The following BANP variants were observed in gnomAD, a reference collection of about 807,000 sequenced individuals.
The protein encoded by BANP is protein BANP.
In BANP, 11 loss-of-function variants were observed where a neutral mutation model predicts 68.1. The ratio of observed to expected loss-of-function variants is 0.16; its 90% CI spans 0.10 to 0.27. The LOEUF (loss-of-function observed/expected upper bound fraction) is 0.27, where lower values mean the gene tolerates loss of function less well. Ranked by LOEUF, BANP falls within the 10% of genes least tolerant of loss-of-function variation. The pLI, the probability that BANP is intolerant of heterozygous loss-of-function variation, is 1.00. For synonymous variants in BANP, 329 were observed against 303.2 expected, an observed-to-expected ratio of 1.09 and a Z score of -0.88; for missense variants, 504 against 722.7, an observed-to-expected ratio of 0.70 and a Z score of 3.47.
At chr16:87,995,137 A>G (rs952741891) in intron 4 of BANP, among the ~76,000 whole-genome samples, 55 of 152,358 alleles carry the variant, frequency 3.6e-4, no homozygotes, top group African/African-American at 1.2e-3. Flanking sequence ...GTTAGAGTCC[A>G]TCAATGGAGT....
intron 8 of BANP, among the ~76,000 whole-genome samples, chr16:88,031,624 G>A (rs1007950275): frequency 1.3e-5 from 2 of 150,666 alleles, no homozygotes; most frequent in Admixed American, 1.3e-4. Flanking sequence ...ACTCCAGCCT[G>A]GGTGACAGAG....
intron 7 of BANP, among the ~76,000 whole-genome samples, chr16:88,026,440 C>G (rs1231461833): frequency 2.0e-5 from 3 of 152,248 alleles, no homozygotes; most frequent in Non-Finnish European, 4.4e-5. Context: ...GGAGCAGCCA[C>G]TGTGCGCCAG....
chr16:88,047,264 G>T (rs2082245886), intron 11 of BANP, among the ~76,000 whole-genome samples: 2 of 152,048 alleles, frequency 1.3e-5, no homozygotes, highest in African/African-American at 4.8e-5. Flanking sequence ...AGGGCCCAAA[G>T]TAAGATACCA....
At chr16:87,982,412 G>T (rs985987557) in intron 3 of BANP, among the ~76,000 whole-genome samples, 3 of 152,244 alleles carry the variant, frequency 2.0e-5, no homozygotes, top group African/African-American at 7.2e-5. Context: ...GGTGTACTGT[G>T]TAAAGAATTT....
chr16:87,951,929 C>T (rs996727054), intron 1 of BANP, among the ~76,000 whole-genome samples: 29 of 152,306 alleles, frequency 1.9e-4, no homozygotes, highest in African/African-American at 6.5e-4. Flanking sequence ...GGGGGTCGCT[C>T]CTGCCAGCCA....
intron 11 of BANP, among the ~76,000 whole-genome samples, chr16:88,056,802 G>C (rs763948022): frequency 6.6e-6 from 1 of 152,168 alleles, no homozygotes; most frequent in Non-Finnish European, 1.5e-5. Context: ...ACCCAGTGTA[G>C]TATACTTAGC....
intron 6 of BANP, among the ~76,000 whole-genome samples, chr16:88,010,602 G>A (rs1016169275): frequency 6.6e-6 from 1 of 152,218 alleles, no homozygotes; most frequent in Non-Finnish European, 1.5e-5. Context: ...ATGGAAATAA[G>A]AACATGTAGC....
intron 4 of BANP, among the ~76,000 whole-genome samples, chr16:87,991,663 G>C (rs2065923392): frequency 6.6e-6 from 1 of 152,122 alleles, no homozygotes; most frequent in South Asian, 2.1e-4. Context: ...TATCATAAAT[G>C]GTATTGTATT....
intron 11 of BANP, among the ~76,000 whole-genome samples, chr16:88,047,891 C>G (rs983720337): frequency 2.0e-5 from 3 of 152,234 alleles, no homozygotes; most frequent in South Asian, 2.1e-4. Flanking sequence ...TGTCCTGTCA[C>G]TTAAACATTT....
intron 11 of BANP, among the ~76,000 whole-genome samples, chr16:88,055,371 GA>G (rs2084750121): frequency 6.6e-6 from 1 of 152,152 alleles, no homozygotes; most frequent in African/African-American, 2.4e-5. Flanking sequence ...AGCAGTGACG[GA>G]TCCAGGGCGT....
At chr16:88,027,714 C>A (rs1197681465) in intron 8 of BANP, 64 bp downstream of exon 8, 8 of 1,585,196 alleles carry the variant, frequency 5.0e-6, no homozygotes, top group Non-Finnish European at 6.9e-6. Context: ...TGGTGGCACC[C>A]TCAGGGGCAG....
intron 11 of BANP, among the ~76,000 whole-genome samples, chr16:88,042,697 C>T (rs1032539431): frequency 6.6e-6 from 1 of 152,118 alleles, no homozygotes; most frequent in Non-Finnish European, 1.5e-5. Context: ...GTGGGAGGAT[C>T]GCTTGAGCCC....
intron 11 of BANP, among the ~76,000 whole-genome samples, chr16:88,050,668 G>C (rs12929276): frequency 0.48 from 73,209 of 151,904 alleles, 20,434 homozygotes; most frequent in Non-Finnish European, 0.65. Context: ...AGTGTGAGGG[G>C]TGTGTATTGG....
At chr16:88,046,626 A>G (rs1462504849) in intron 11 of BANP, among the ~76,000 whole-genome samples, 1 of 151,308 alleles carries the variant, frequency 6.6e-6, no homozygotes, top group African/African-American at 2.4e-5. Flanking sequence ...GCTCACTGCA[A>G]CCTCCGTCTC....
chr16:87,957,916 G>A lies in BANP; in HGVS notation c.-69+6401G>A, dbSNP rs909328631. On this transcript the variant is annotated intron_variant, in intron 1 of 13. Transcript: ENST00000682872. The surrounding 1 kb of genome is among the most constrained non-coding windows in gnomAD (Gnocchi z 4.3). ...GTGTCCTCAAGTGAGCTCAGCTCTT[G>A]TGTCGGTGGGAGCTGGCGGTGGGTC... Among the ~76,000 whole-genome samples, 2 of 152,170 alleles carry A rather than the reference G, an allele frequency of 1.3e-5. No homozygotes were observed. The highest frequency in any genetic ancestry group is 2.9e-5 in the Non-Finnish European group (2 of 68,034).
rs560857853 is a variant in BANP at position 87,987,139 on chromosome 16, C to T, written c.362+2880C>T. On this transcript the variant is annotated intron_variant, in intron 4 of 13. Transcript: ENST00000682872. ...GGCCACCCAGGCTGGAGTGCAGTGG[C>T]GCGATCTTGGCTCACTGCAACCTCT... Among the ~76,000 whole-genome samples the T allele has an allele frequency of 4.1e-4, 62 of 152,158 alleles. No homozygotes were observed. The East Asian group carries it at 0.01, about 25-fold the overall frequency.
intron 11 of BANP, among the ~76,000 whole-genome samples, chr16:88,058,177 A>G (rs970198171): frequency 6.6e-6 from 1 of 152,166 alleles, no homozygotes; most frequent in Non-Finnish European, 1.5e-5. Context: ...AGCTGGTGCT[A>G]AAGTGTGTTG....
At chr16:88,062,432 C>T (rs1446348221) in intron 11 of BANP, among the ~76,000 whole-genome samples, 2 of 152,206 alleles carry the variant, frequency 1.3e-5, no homozygotes, top group South Asian at 2.1e-4. Flanking sequence ...TTCCCTCAGT[C>T]GGCTGCTCCC....
rs762891001 is a variant in BANP at position 88,072,136 on chromosome 16, C to T, written c.1445C>T (p.Ser482Leu). The change falls in exon 13 of 14, where the codon TCG becomes TTG. Residue 482 changes from serine (S) to leucine (L), a missense_variant. This residue lies in a region of BANP where 223 missense variants were observed against 246.2 expected (regional missense o/e 0.91). Coordinates refer to ENST00000682872, the MANE Select transcript of BANP (RefSeq NM_001386991.1). ...SDPAAAGVDG[S>L]PLQGSDIQVQ... Reference sequence around the variant, plus strand: ...CCCGCGGCGGCGGGCGTGGATGGGTCGCCACTCCAGGGCAGCGACATCCAG... The same window carrying T: ...CCCGCGGCGGCGGGCGTGGATGGGTTGCCACTCCAGGGCAGCGACATCCAG... 2.4e-5 allele frequency: 39 copies of T among 1,610,146 alleles called. No homozygotes were observed. The East Asian group carries it at 2.5e-4, about 10-fold the overall frequency.
Sources: allele counts gnomAD v4.1 joint callset (sites outside exome capture counted in the v4.1 genomes callset), GRCh38; gene constraint gnomAD v4.1.1; regional missense constraint gnomAD v4.1.1; non-coding constraint Gnocchi (gnomAD v3.1); transcripts MANE v1.5; gene names NCBI Gene and HGNC (gene_info 2026-07-23, HGNC 2026-07-21).